ABCB1: variants seen among roughly 807,000 people sequenced by gnomAD.
ABCB1 encodes the protein ATP binding cassette subfamily B member 1.
Under a neutral mutation model 142.0 loss-of-function variants are expected in ABCB1, and 69 were observed. The ratio of observed to expected loss-of-function variants is 0.49; its 90% CI spans 0.40 to 0.59. The LOEUF (loss-of-function observed/expected upper bound fraction) is 0.59, where lower values mean the gene tolerates loss of function less well. ABCB1 is among the 20% of genes least tolerant of loss of function. The probability of loss-of-function intolerance (pLI) is 0.00; values close to 1 mark genes in which losing one functional copy is unlikely to be tolerated. For missense variants in ABCB1, 1,326 were observed against 1,554.7 expected (o/e 0.85, Z 2.47); for synonymous variants, 532 against 539.2 (o/e 0.99, Z 0.18).
At position 87,548,740 on chromosome 7, in the gene ABCB1, G is replaced by A. The variant is rs73705249; in HGVS notation, c.1725+608C>T. Among the ~76,000 whole-genome samples the A allele has an allele frequency of 3.9e-3, 592 of 152,220 alleles. 3 individuals are homozygous for A. Among genetic ancestry groups the A allele is most frequent in the African/African-American group, 0.013 (554 of 41,532 alleles). ...ATCAAAGGCACAGTGCCCGGCACAC[G>A]GCAAACACTCAAATGCTATTTGGTG... is the stretch of plus-strand genomic sequence containing the variant. On this transcript the variant is annotated intron_variant, in intron 14 of 27. Transcript: ENST00000622132.
intron 19 of ABCB1, among the ~76,000 whole-genome samples, chr7:87,537,438 G>A (rs981363036): frequency 6.6e-6 from 1 of 152,228 alleles, no homozygotes; most frequent in African/African-American, 2.4e-5. Context: ...AAAAATGGAG[G>A]TAGGGAGATC....
intron 1 of ABCB1, among the ~76,000 whole-genome samples, chr7:87,684,400 G>A (rs1827233568): frequency 6.6e-6 from 1 of 152,048 alleles, no homozygotes; most frequent in South Asian, 2.1e-4. Flanking sequence ...GAACTAAGTT[G>A]GAAACTCAAA....
chr7:87,524,191 AAC>A lies in ABCB1; in HGVS notation c.2686-3317_2686-3316del, dbSNP rs149080492. 4.1e-4 allele frequency among the ~76,000 whole-genome samples: 63 copies of A among 152,266 alleles called. 2 individuals are homozygous for A. In the East Asian group the frequency reaches 0.012, roughly 29 times the overall value. ...AAAAAAAATTAGTAACATTCTTAGA[AAC>A]AAAAACTTATTTAAAAATAAAATTT... is the stretch of plus-strand genomic sequence containing the variant. On this transcript the variant is annotated intron_variant, in intron 21 of 27. Coordinates refer to ENST00000622132, the MANE Select transcript of ABCB1 (RefSeq NM_001348946.2).
chr7:87,534,940 A>AAAAAAAT (rs1563039569), intron 20 of ABCB1, among the ~76,000 whole-genome samples: 1 of 132,718 alleles, frequency 7.5e-6, no homozygotes, highest in Non-Finnish European at 1.7e-5. Flanking sequence ...AAAAAAAAAA[A>AAAAAAAT]CTCCATTTTT....
chr7:87,516,024 C>T (rs1166066376), intron 24 of ABCB1, among the ~76,000 whole-genome samples: 1 of 152,128 alleles, frequency 6.6e-6, no homozygotes. Context: ...AATACAGTAA[C>T]TTACATACAA....
At chr7:87,538,380 A>G (rs1173865942) in intron 19 of ABCB1, among the ~76,000 whole-genome samples, 1 of 152,188 alleles carries the variant, frequency 6.6e-6, no homozygotes, top group Non-Finnish European at 1.5e-5. Flanking sequence ...CAATTCCCAT[A>G]AATACATTTT....
At chr7:87,689,761 T>C (rs1827844187) in intron 1 of ABCB1, among the ~76,000 whole-genome samples, 1 of 152,172 alleles carries the variant, frequency 6.6e-6, no homozygotes, top group Non-Finnish European at 1.5e-5. Context: ...AAAATCATTT[T>C]ATGGTATTGT....
intron 3 of ABCB1, among the ~76,000 whole-genome samples, chr7:87,587,604 G>T (rs1327555280): frequency 6.6e-6 from 1 of 152,142 alleles, no homozygotes; most frequent in Non-Finnish European, 1.5e-5. Flanking sequence ...GGGTGCAGTG[G>T]CTCACACCTG....
intron 3 of ABCB1, among the ~76,000 whole-genome samples, chr7:87,587,607 C>G (rs1263780536): frequency 6.6e-6 from 1 of 152,136 alleles, no homozygotes; most frequent in Non-Finnish European, 1.5e-5. Flanking sequence ...TGCAGTGGCT[C>G]ACACCTGTAA....
At chr7:87,619,395 T>C in intron 1 of ABCB1, among the ~76,000 whole-genome samples, 1 of 151,876 alleles carries the variant, frequency 6.6e-6, no homozygotes, top group East Asian at 1.9e-4. Context: ...AAAAATTAGC[T>C]GGGTATGGTG....
chr7:87,531,800 T>C, intron 20 of ABCB1: 1 of 344,338 alleles, frequency 2.9e-6, no homozygotes, highest in South Asian at 3.1e-5. Flanking sequence ...TATCTGCAAA[T>C]TAGCAAGATA....
At chr7:87,514,610 A>C (rs1815152733) in intron 25 of ABCB1, among the ~76,000 whole-genome samples, 1 of 152,010 alleles carries the variant, frequency 6.6e-6, no homozygotes, top group Admixed American at 6.5e-5. Context: ...TTTTCCCTGG[A>C]CTCTGCCTCC....
At chr7:87,530,842 A>AAAGCAAGAAAGCAAGAAAGC (rs763471275) in intron 21 of ABCB1, among the ~76,000 whole-genome samples, 4 of 88,234 alleles carry the variant, frequency 4.5e-5, no homozygotes, top group African/African-American at 1.6e-4. Context: ...AGAAAGCAAG[A>AAAGCAAGAAAGCAAGAAAGC]AAGAAAGAAA....
intron 1 of ABCB1, among the ~76,000 whole-genome samples, chr7:87,692,089 T>G (rs1470927569): frequency 6.6e-6 from 1 of 152,128 alleles, no homozygotes; most frequent in Non-Finnish European, 1.5e-5. Context: ...TTTCCCATGG[T>G]CTTTCACAGC....
intron 1 of ABCB1, among the ~76,000 whole-genome samples, chr7:87,624,276 TA>T (rs1348189123): frequency 6.6e-6 from 1 of 152,158 alleles, no homozygotes; most frequent in Non-Finnish European, 1.5e-5. Context: ...AAATAAAAAT[TA>T]AAAAAACTTA....
intron 7 of ABCB1, among the ~76,000 whole-genome samples, chr7:87,562,339 C>T (rs1817592156): frequency 6.6e-6 from 1 of 152,198 alleles, no homozygotes; most frequent in African/African-American, 2.4e-5. Flanking sequence ...TTCCTGACTT[C>T]TCAAAGCAAT....
At chr7:87,597,932 CTCTTTAGTCTCTATTAA>C (rs1819273093) in intron 2 of ABCB1, among the ~76,000 whole-genome samples, 1 of 152,082 alleles carries the variant, frequency 6.6e-6, no homozygotes, top group Non-Finnish European at 1.5e-5. Context: ...GTAGTTATAT[CTCTTTAGTCTCTATTAA>C]TCTAGAAGTC....
chr7:87,519,546 G>A, intron 22 of ABCB1, 80 bp from the exon 23 acceptor site: 1 of 1,562,030 alleles, frequency 6.4e-7, no homozygotes. Context: ...GTTGGCAGTA[G>A]GGCACAGAGG....
At chr7:87,626,222 A>C (rs11440099) in intron 1 of ABCB1, among the ~76,000 whole-genome samples, 5 of 11,582 alleles carry the variant, frequency 4.3e-4, no homozygotes, top group South Asian at 4.2e-3. Flanking sequence ...TGTCATATAT[A>C]TGTCATATAT....
Sources: allele counts gnomAD v4.1 joint callset (sites outside exome capture counted in the v4.1 genomes callset), GRCh38; gene constraint gnomAD v4.1.1; transcripts MANE v1.5; gene names NCBI Gene and HGNC (gene_info 2026-07-23, HGNC 2026-07-21).